Variants in RNF32 observed in about 807,000 individuals in gnomAD.
RNF32 encodes ring finger protein 32.
Under a neutral mutation model 41.0 loss-of-function variants are expected in RNF32, and 36 were observed. The ratio of observed to expected loss-of-function variants is 0.88; its 90% confidence interval spans 0.67 to 1.16. RNF32 has a LOEUF of 1.16. Ranked by LOEUF, RNF32 falls within the 50% of genes most tolerant of loss-of-function variation. The pLI, the probability that RNF32 is intolerant of heterozygous loss-of-function variation, is 0.00. For synonymous variants in RNF32, 154 were observed against 160.9 expected (o/e 0.96, Z 0.32); for missense variants, 413 against 436.7 (o/e 0.95, Z 0.48).
chr7:156,650,322 C>T (rs116237960), intron 3 of RNF32, among the ~76,000 whole-genome samples: 2,822 of 152,220 alleles, frequency 0.019, 89 homozygotes, highest in African/African-American at 0.065. Flanking sequence ...ACCTTCCTTC[C>T]GCTTCACCTG....
intron 3 of RNF32, among the ~76,000 whole-genome samples, chr7:156,650,527 A>G (rs1254800792): frequency 2.0e-5 from 3 of 152,242 alleles, no homozygotes; most frequent in Non-Finnish European, 2.9e-5. Context: ...CAGAGAGCAC[A>G]GCAGTTTGCT....
At chr7:156,646,790 C>T (rs1158372452) in intron 3 of RNF32, among the ~76,000 whole-genome samples, 1 of 152,214 alleles carries the variant, frequency 6.6e-6, no homozygotes, top group East Asian at 1.9e-4. Flanking sequence ...CTTTTGATAG[C>T]TCACAGTGGC....
At chr7:156,652,256 C>T (rs1178189668) in intron 3 of RNF32, among the ~76,000 whole-genome samples, 1 of 152,054 alleles carries the variant, frequency 6.6e-6, no homozygotes, top group Admixed American at 6.6e-5. Context: ...TTTTTTGAGG[C>T]CTGTTTTTTT....
chr7:156,675,923 G>A, intron 8 of RNF32, 60 bp downstream of exon 8: 1 of 1,546,196 alleles, frequency 6.5e-7, no homozygotes, highest in Non-Finnish European at 8.9e-7. Context: ...GAGGCTGTGG[G>A]GAGTGGCATG....
chr7:156,664,553 CATGT>C (rs1249669147), intron 7 of RNF32, among the ~76,000 whole-genome samples: 1 of 152,110 alleles, frequency 6.6e-6, no homozygotes, highest in African/African-American at 2.4e-5. Context: ...TCTTGATTTA[CATGT>C]TTGGTACAAG....
At chr7:156,640,610 G>A (rs567073730), upstream of RNF32, 10 of 403,666 alleles carry the variant, frequency 2.5e-5, no homozygotes, top group South Asian at 1.0e-4. Flanking sequence ...ACAGGGCGTG[G>A]TTGGCAAGCA....
At chr7:156,663,636 T>A (rs938223293) in intron 7 of RNF32, among the ~76,000 whole-genome samples, 4 of 152,210 alleles carry the variant, frequency 2.6e-5, no homozygotes, top group Non-Finnish European at 5.9e-5. Flanking sequence ...GAGCTAATAA[T>A]TTTTTTAAAA....
At chr7:156,675,934 T>TG in intron 8 of RNF32, 71 bp downstream of exon 8, 5 of 1,478,654 alleles carry the variant, frequency 3.4e-6, no homozygotes, top group East Asian at 2.3e-5. Flanking sequence ...GAGTGGCATG[T>TG]GGGGGGAGGT....
intron 7 of RNF32, among the ~76,000 whole-genome samples, chr7:156,673,793 G>A (rs777442382): frequency 4.6e-5 from 7 of 151,908 alleles, no homozygotes; most frequent in Non-Finnish European, 8.8e-5. Flanking sequence ...GCTGTCTCAC[G>A]ATCTTTTTGC....
intron 7 of RNF32, among the ~76,000 whole-genome samples, chr7:156,675,134 C>CCCGAAGAGGCAGCGGA (rs1563102563): frequency 2.6e-5 from 4 of 152,028 alleles, no homozygotes; most frequent in Non-Finnish European, 5.9e-5. Context: ...GAGGCAGCGG[C>CCCGAAGAGGCAGCGGA]GACCCGAAGG....
intron 3 of RNF32, among the ~76,000 whole-genome samples, chr7:156,651,474 A>G (rs151114558): frequency 0.018 from 2,814 of 152,268 alleles, 89 homozygotes; most frequent in African/African-American, 0.065. Flanking sequence ...TCGGCCTCCC[A>G]AAGTGCTGAG....
At chr7:156,665,347 C>T (rs1801204848) in intron 7 of RNF32, among the ~76,000 whole-genome samples, 1 of 152,188 alleles carries the variant, frequency 6.6e-6, no homozygotes, top group African/African-American at 2.4e-5. Flanking sequence ...CCTCATCACC[C>T]CTTCCATACT....
At chr7:156,640,639 C>A (rs573687732), upstream of RNF32, 2,219 of 364,808 alleles carry the variant, frequency 6.1e-3, 17 homozygotes, top group Non-Finnish European at 9.3e-3. Flanking sequence ...GTGGGCCGGG[C>A]GGGGCTGGCG....
Position 156,676,433 on chromosome 7 carries a change from G to C in RNF32, c.867G>C (p.Glu289Asp). The C allele has an allele frequency of 1.2e-6, 2 of 1,614,068 alleles. No individual in the cohort carries two copies. The highest frequency in any genetic ancestry group is 1.7e-6 in the Non-Finnish European group (2 of 1,179,972). The change falls in exon 9 of 9, where the codon GAG becomes GAC. Residue 289 changes from glutamate (E) to aspartate (D), a missense_variant. Coordinates refer to ENST00000317955, the MANE Select transcript of RNF32 (RefSeq NM_030936.4). ...EKIQVQALRR[E>D]THECSICLAP... is the part of the protein sequence containing the mutation. ...GTGTGCCGCAGGCTCTGCGCCGGGA[G>C]ACCCACGAGTGCTCCATCTGCCTGG...
At chr7:156,661,281 T>G (rs1421394634) in intron 7 of RNF32, among the ~76,000 whole-genome samples, 1 of 151,694 alleles carries the variant, frequency 6.6e-6, no homozygotes, top group East Asian at 1.9e-4. Context: ...TAGGGCCCCC[T>G]TGGCCAAGAG....
intron 4 of RNF32, among the ~76,000 whole-genome samples, chr7:156,655,706 T>A (rs1343107171): frequency 1.3e-5 from 2 of 152,260 alleles, no homozygotes; most frequent in Non-Finnish European, 2.9e-5. Flanking sequence ...CAGTTCTCTA[T>A]CAGGACCTAA....
At chr7:156,644,908 T>A in intron 3 of RNF32, 151 bp downstream of exon 3, 1 of 716,428 alleles carries the variant, frequency 1.4e-6, no homozygotes, top group Non-Finnish European at 2.1e-6. Context: ...TATTGAAGTT[T>A]AAAAATGATA....
chr7:156,655,136 T>C (rs996749714), intron 4 of RNF32, among the ~76,000 whole-genome samples: 2 of 152,116 alleles, frequency 1.3e-5, no homozygotes, highest in Non-Finnish European at 2.9e-5. Flanking sequence ...TGTGAGAGAA[T>C]CTTTAAGAAA....
intron 7 of RNF32, among the ~76,000 whole-genome samples, chr7:156,674,967 A>T (rs1010909474): frequency 3.3e-5 from 5 of 152,176 alleles, no homozygotes; most frequent in African/African-American, 1.2e-4. Context: ...GGGGAGGGAA[A>T]CAATATACCC....
Sources: gnomAD v4.1 joint callset for allele counts (sites outside exome capture counted in the v4.1 genomes callset) on GRCh38, gnomAD v4.1.1 for gene constraint, MANE v1.5 for transcripts, NCBI Gene and HGNC (gene_info 2026-07-23, HGNC 2026-07-21) for gene names.